The following PPEF1 variants were observed in gnomAD, a reference collection of about 807,000 sequenced individuals.
The protein encoded by PPEF1 is protein phosphatase with EF-hand domain 1, also known as serine/threonine-protein phosphatase with EF-hands 1.
A neutral mutation model predicts 53.3 loss-of-function variants in PPEF1; 12 were observed. The ratio of observed to expected loss-of-function variants is 0.23; its 90% CI spans 0.14 to 0.36. The LOEUF (loss-of-function observed/expected upper bound fraction) is 0.36. PPEF1 is among the 10% of genes least tolerant of loss of function. PPEF1 has a pLI of 1.00. For synonymous variants in PPEF1, 165 were observed against 176.7 expected, an observed-to-expected ratio of 0.93 and a Z score of 0.52; for missense variants, 334 against 490.4, an observed-to-expected ratio of 0.68 and a Z score of 3.01.
At chrX:18,680,429 C>CTT (rs769412688), upstream of PPEF1, among the ~76,000 whole-genome samples, 125 of 78,674 alleles carry the variant, frequency 1.6e-3, 6 homozygotes, top group African/African-American at 5.2e-3. Flanking sequence ...AATTTCTTCT[C>CTT]TTTTTTTTTT....
intron 12 of PPEF1, among the ~76,000 whole-genome samples, chrX:18,809,140 T>TATCC (rs2046752994): frequency 9.6e-6 from 1 of 104,238 alleles, no homozygotes; most frequent in Non-Finnish European, 2.0e-5. Context: ...TCTATCTATC[T>TATCC]AGTAATTCCT....
chrX:18,816,100 C>A (rs140177930), intron 12 of PPEF1, among the ~76,000 whole-genome samples: 2,525 of 110,114 alleles, frequency 0.023, 64 homozygotes, highest in African/African-American at 0.078. Flanking sequence ...GATTATGTTA[C>A]TGATTTGAGA....
chrX:18,684,130 C>T (rs1928978216), intron 1 of PPEF1, among the ~76,000 whole-genome samples: 1 of 111,929 alleles, frequency 8.9e-6, no homozygotes, highest in African/African-American at 3.3e-5. Flanking sequence ...GGAAGTTGTT[C>T]ATTATCACAT....
chrX:18,783,188 A>G (rs2046125782), intron 8 of PPEF1, among the ~76,000 whole-genome samples: 1 of 108,735 alleles, frequency 9.2e-6, no homozygotes, highest in African/African-American at 3.3e-5. Flanking sequence ...GGACTGACCA[A>G]TTTGAGTAAT....
chrX:18,760,416 T>C (rs2045636923), intron 5 of PPEF1, among the ~76,000 whole-genome samples: 1 of 110,845 alleles, frequency 9.0e-6, no homozygotes, highest in Admixed American at 9.7e-5. Flanking sequence ...GCTACTGGAG[T>C]ATATTAAAAA....
chrX:18,728,222 T>C (rs752359553), intron 1 of PPEF1, among the ~76,000 whole-genome samples: 1 of 110,870 alleles, frequency 9.0e-6, no homozygotes, highest in South Asian at 3.9e-4. Context: ...TATCTTGTAT[T>C]AGTTTGTTTT....
chrX:18,776,055 G>A (rs1602438832), intron 6 of PPEF1, among the ~76,000 whole-genome samples: 1 of 112,112 alleles, frequency 8.9e-6, no homozygotes, highest in Non-Finnish European at 1.9e-5. Context: ...GCTCCCTGCC[G>A]CTGCTCCTCT....
chrX:18,753,312 CTTT>C (rs2045481861), intron 4 of PPEF1, among the ~76,000 whole-genome samples: 1 of 111,418 alleles, frequency 9.0e-6, no homozygotes, highest in South Asian at 3.7e-4. Context: ...TCTCATAACC[CTTT>C]TTTATTTCTT....
At chrX:18,739,850 C>T (rs1406835208) in intron 3 of PPEF1, among the ~76,000 whole-genome samples, 1 of 112,512 alleles carries the variant, frequency 8.9e-6, no homozygotes, top group Non-Finnish European at 1.9e-5. Flanking sequence ...GCCCCTCCCC[C>T]ACCCTTGCTG....
chrX:18,707,540 C>T (rs1276842050), upstream of PPEF1: 4 of 378,165 alleles, frequency 1.1e-5, no homozygotes, highest in Non-Finnish European at 1.8e-5. Flanking sequence ...TCACTTTCCA[C>T]ATCACATGAT....
At chrX:18,722,819 G>A (rs1486272564) in intron 1 of PPEF1, among the ~76,000 whole-genome samples, 2 of 110,448 alleles carry the variant, frequency 1.8e-5, no homozygotes, top group Non-Finnish European at 3.8e-5. Context: ...AGGCGATGAG[G>A]GGAGAGGAGA....
At chrX:18,808,219 C>G (rs2046723706) in intron 12 of PPEF1, among the ~76,000 whole-genome samples, 1 of 109,661 alleles carries the variant, frequency 9.1e-6, no homozygotes, top group African/African-American at 3.3e-5. Flanking sequence ...CCCGCCTCAG[C>G]TTCCCAAAGT....
intron 12 of PPEF1, among the ~76,000 whole-genome samples, chrX:18,807,431 T>C (rs1255197732): frequency 8.9e-6 from 1 of 112,199 alleles, no homozygotes; most frequent in African/African-American, 3.2e-5. Flanking sequence ...CCTTTCTCAA[T>C]TATCCTTTTC....
intron 5 of PPEF1, among the ~76,000 whole-genome samples, chrX:18,758,626 G>A (rs759472713): frequency 1.5e-4 from 17 of 111,082 alleles, no homozygotes; most frequent in African/African-American, 2.0e-4. Context: ...CAGGCATCAC[G>A]TCTCTGACTG....
intron 9 of PPEF1, among the ~76,000 whole-genome samples, chrX:18,787,410 A>G (rs1049922824): frequency 9.0e-6 from 1 of 111,177 alleles, no homozygotes; most frequent in Non-Finnish European, 1.9e-5. Context: ...GAATGAAGGA[A>G]GATTTTCTAA....
At chrX:18,826,962 A>G (rs2047183448) in intron 15 of PPEF1, among the ~76,000 whole-genome samples, 1 of 110,713 alleles carries the variant, frequency 9.0e-6, no homozygotes, top group Admixed American at 9.7e-5. Context: ...CCCTCCTTCC[A>G]TGCACCTCAC....
intron 14 of PPEF1, 97 bp downstream of exon 14, chrX:18,824,183 T>C: frequency 2.2e-6 from 2 of 917,082 alleles, no homozygotes; most frequent in African/African-American, 2.0e-5. Flanking sequence ...GGCTCACGCC[T>C]GTAATCCCAG....
At chrX:18,777,520 C>CT (rs1405185991) in intron 6 of PPEF1, among the ~76,000 whole-genome samples, 5 of 108,702 alleles carry the variant, frequency 4.6e-5, no homozygotes, top group South Asian at 3.9e-4. Context: ...CTTTTCTTTT[C>CT]TTTTTTTTTC....
At chrX:18,817,068 A>ATATGTG (rs1491253769) in intron 12 of PPEF1, among the ~76,000 whole-genome samples, 3,040 of 99,941 alleles carry the variant, frequency 0.03, 50 homozygotes, top group Non-Finnish European at 0.041. Flanking sequence ...TCATTTTGCC[A>ATATGTG]TGTGTGTGTG....
Sources: allele counts gnomAD v4.1 joint callset (sites outside exome capture counted in the v4.1 genomes callset), GRCh38; gene constraint gnomAD v4.1.1; transcripts MANE v1.5; gene names NCBI Gene and HGNC (gene_info 2026-07-23, HGNC 2026-07-21).